The following KCNT2 variants were observed in gnomAD, a reference collection of about 807,000 sequenced individuals.
KCNT2 encodes the protein potassium sodium-activated channel subfamily T member 2.
In KCNT2, 67 loss-of-function variants were observed where a neutral mutation model predicts 153.8. That is an observed-to-expected ratio of 0.44 (90% CI 0.36 to 0.53). The LOEUF (loss-of-function observed/expected upper bound fraction) is 0.53. Among genes scored for constraint, KCNT2 ranks in the 20% least tolerant of loss-of-function variants. KCNT2 has a pLI of 0.00. For synonymous variants in KCNT2, 500 were observed against 458.8 expected, an observed-to-expected ratio of 1.09 and a Z score of -1.15; for missense variants, 975 against 1,354.8, an observed-to-expected ratio of 0.72 and a Z score of 4.40.
chr1:196,330,567 A>C (rs138244621), intron 18 of KCNT2, among the ~76,000 whole-genome samples: 1,914 of 152,130 alleles, frequency 0.013, 19 homozygotes, highest in Middle Eastern at 0.017. Flanking sequence ...CAAGAGAATA[A>C]ATTCATACCA....
intron 1 of KCNT2, among the ~76,000 whole-genome samples, chr1:196,497,911 G>A (rs1016461961): frequency 2.0e-5 from 3 of 152,044 alleles, no homozygotes; most frequent in Non-Finnish European, 4.4e-5. Flanking sequence ...TAATAATGAT[G>A]TGATGTCTTT....
chr1:196,376,087 A>G (rs1246610232), intron 13 of KCNT2, among the ~76,000 whole-genome samples: 1 of 151,862 alleles, frequency 6.6e-6, no homozygotes. Flanking sequence ...CTGAATTAAA[A>G]TACTGAAAAT....
At chr1:196,540,144 C>G (rs1558055805) in intron 1 of KCNT2, among the ~76,000 whole-genome samples, 2 of 152,224 alleles carry the variant, frequency 1.3e-5, no homozygotes, top group East Asian at 3.9e-4. Flanking sequence ...AAGGATCACT[C>G]TTAGTAGTTT....
At chr1:196,535,680 T>C (rs951047995) in intron 1 of KCNT2, among the ~76,000 whole-genome samples, 14 of 152,170 alleles carry the variant, frequency 9.2e-5, no homozygotes, top group Non-Finnish European at 1.8e-4. Context: ...AGTAAAACAC[T>C]TGAGGAATCA....
chr1:196,393,232 A>G (rs1670638209), intron 13 of KCNT2, among the ~76,000 whole-genome samples: 1 of 151,418 alleles, frequency 6.6e-6, no homozygotes. Context: ...TTCGATTGTT[A>G]TTTCTTCTCA....
At chr1:196,311,075 G>T (rs142919115) in intron 21 of KCNT2, among the ~76,000 whole-genome samples, 1 of 151,838 alleles carries the variant, frequency 6.6e-6, no homozygotes, top group African/African-American at 2.4e-5. Flanking sequence ...AAGATTATCA[G>T]TTCCTCAGGA....
intron 14 of KCNT2, among the ~76,000 whole-genome samples, chr1:196,342,897 TGATGGTATTTGG>T (rs1275942889): frequency 2.0e-5 from 3 of 152,296 alleles, no homozygotes; most frequent in African/African-American, 7.2e-5. Flanking sequence ...AATCCCATTA[TGATGGTATTTGG>T]GAGTGTGGCC....
chr1:196,450,656 C>A (rs762392901), intron 8 of KCNT2, among the ~76,000 whole-genome samples: 40 of 151,762 alleles, frequency 2.6e-4, no homozygotes, highest in Non-Finnish European at 5.7e-4. Flanking sequence ...CCAATCACTG[C>A]CTACTTCCTT....
intron 6 of KCNT2, among the ~76,000 whole-genome samples, chr1:196,468,619 T>A (rs1377018027): frequency 6.6e-6 from 1 of 152,076 alleles, no homozygotes; most frequent in Non-Finnish European, 1.5e-5. Flanking sequence ...CACAGATAGA[T>A]ATTTTCAACG....
At chr1:196,452,627 T>C (rs1676319190) in intron 8 of KCNT2, among the ~76,000 whole-genome samples, 1 of 151,998 alleles carries the variant, frequency 6.6e-6, no homozygotes, top group Non-Finnish European at 1.5e-5. Flanking sequence ...GGTTAGATTC[T>C]GTCAGCACAG....
At chr1:196,313,282 T>G (rs980360961) in intron 21 of KCNT2, among the ~76,000 whole-genome samples, 1 of 151,458 alleles carries the variant, frequency 6.6e-6, no homozygotes, top group Non-Finnish European at 1.5e-5. Context: ...CTACTCAGAG[T>G]GTTGAATGCT....
At chr1:196,327,286 T>G (rs1453042930) in intron 18 of KCNT2, among the ~76,000 whole-genome samples, 2 of 151,784 alleles carry the variant, frequency 1.3e-5, no homozygotes, top group Non-Finnish European at 2.9e-5. Context: ...TACTGAATGC[T>G]TAAAGCGATG....
intron 26 of KCNT2, among the ~76,000 whole-genome samples, chr1:196,244,633 A>G (rs1216732043): frequency 6.6e-6 from 1 of 152,104 alleles, no homozygotes; most frequent in Non-Finnish European, 1.5e-5. Context: ...AGGGGAGGGA[A>G]GAGAGGGATG....
At chr1:196,498,951 A>G (rs1414479022) in intron 1 of KCNT2, among the ~76,000 whole-genome samples, 2 of 152,234 alleles carry the variant, frequency 1.3e-5, no homozygotes, top group Non-Finnish European at 2.9e-5. Context: ...TTTGGGAATG[A>G]GGTCATTGCA....
At chr1:196,378,633 G>T (rs925482528) in intron 13 of KCNT2, among the ~76,000 whole-genome samples, 1 of 149,632 alleles carries the variant, frequency 6.7e-6, no homozygotes, top group African/African-American at 2.5e-5. Flanking sequence ...AAGCCTTTAG[G>T]CACCCAAGAA....
At chr1:196,334,483 C>CTTTTTTTTTTTTTTTTTTTTTT (rs757677685) in intron 16 of KCNT2, among the ~76,000 whole-genome samples, 4 of 42,338 alleles carry the variant, frequency 9.4e-5, no homozygotes, top group Non-Finnish European at 7.8e-5. Context: ...TTCTTTCTTT[C>CTTTTTTTTTTTTTTTTTTTTTT]TTTCTTTTTT....
At chr1:196,529,100 G>A (rs1654613921) in intron 1 of KCNT2, among the ~76,000 whole-genome samples, 1 of 152,106 alleles carries the variant, frequency 6.6e-6, no homozygotes, top group Non-Finnish European at 1.5e-5. Context: ...ACGGCTTAAA[G>A]TCAGTGTATA....
Position 196,351,916 on chromosome 1 carries a change from G to T in KCNT2, c.1404-9688C>A, listed in dbSNP as rs529822108. On this transcript the variant is annotated intron_variant, in intron 14 of 27. Transcript: ENST00000294725. ...TTTATTGACAGTTTTTAGCATGAAG[G>T]GTTGTTGAATTTTGTCAATGGCCTT... Among the ~76,000 whole-genome samples the T allele has an allele frequency of 7.9e-5, 12 of 152,066 alleles. No individual in the cohort carries two copies. The South Asian group carries it at 1.0e-3, about 13-fold the overall frequency.
chr1:196,468,207 C>T (rs1011345024), intron 6 of KCNT2, among the ~76,000 whole-genome samples: 3 of 151,976 alleles, frequency 2.0e-5, no homozygotes, highest in Non-Finnish European at 2.9e-5. Context: ...AGCGACATTG[C>T]GGAGCTATGT....
Sources: allele counts gnomAD v4.1 joint callset (sites outside exome capture counted in the v4.1 genomes callset), GRCh38; gene constraint gnomAD v4.1.1; transcripts MANE v1.5; gene names NCBI Gene and HGNC (gene_info 2026-07-23, HGNC 2026-07-21).